Variants in GRID2 observed in about 807,000 individuals in gnomAD.
The protein encoded by GRID2 is glutamate ionotropic receptor delta type subunit 2, also known as glutamate receptor ionotropic, delta-2.
A neutral mutation model predicts 114.8 loss-of-function variants in GRID2; 33 were observed. That is an observed-to-expected ratio of 0.29 (90% CI 0.22 to 0.38). GRID2 has a LOEUF of 0.38. Among genes scored for constraint, GRID2 ranks in the 10% least tolerant of loss-of-function variants. The pLI, the probability that GRID2 is intolerant of heterozygous loss-of-function variation, is 1.00. For missense variants in GRID2, 1,184 were observed against 1,257.7 expected (o/e 0.94, Z 0.89); for synonymous variants, 505 against 449.9 (o/e 1.12, Z -1.55).
intron 2 of GRID2, among the ~76,000 whole-genome samples, chr4:92,805,513 T>A (rs912730346): frequency 1.3e-4 from 20 of 152,044 alleles, no homozygotes; most frequent in African/African-American, 4.8e-4. Context: ...ATGTATATGA[T>A]CAGCGATTTT....
chr4:93,184,062 A>C (rs904277570), intron 4 of GRID2, among the ~76,000 whole-genome samples: 1 of 152,224 alleles, frequency 6.6e-6, no homozygotes, highest in Non-Finnish European at 1.5e-5. Flanking sequence ...AAGCCTTCCC[A>C]GTAAAAGTTC....
rs78279016 is a variant in GRID2 at position 93,065,167 on chromosome 4, A to C, written c.245-19828A>C. The stretch of plus-strand genomic sequence containing the variant: ...GCATTTTTTACTTATTGGTGAGTAG[A>C]GAAAAAAACCCAAGTGAGTTCTGTA... On this transcript the variant is annotated intron_variant, in intron 2 of 15. Transcript: ENST00000282020. Among the ~76,000 whole-genome samples, 806 of 151,992 alleles carry C rather than the reference A, an allele frequency of 5.3e-3. 2 individuals carry two copies. The highest frequency in any genetic ancestry group is 0.019 in the African/African-American group (771 of 41,536).
intron 2 of GRID2, among the ~76,000 whole-genome samples, chr4:93,045,318 G>A (rs1324022140): frequency 6.6e-6 from 1 of 151,910 alleles, no homozygotes; most frequent in Non-Finnish European, 1.5e-5. Context: ...ATACTGCTTT[G>A]GCTTCCTGGT....
chr4:92,774,384 T>C (rs1335789024), intron 2 of GRID2, among the ~76,000 whole-genome samples: 1 of 152,120 alleles, frequency 6.6e-6, no homozygotes, highest in Admixed American at 6.6e-5. Context: ...AAGAAATGCA[T>C]CAGTGTAGCT....
intron 1 of GRID2, among the ~76,000 whole-genome samples, chr4:92,412,458 T>C (rs895493094): frequency 6.6e-6 from 1 of 152,166 alleles, no homozygotes; most frequent in African/African-American, 2.4e-5. Flanking sequence ...CATTTATATT[T>C]TTCTCTAGAA....
intron 2 of GRID2, among the ~76,000 whole-genome samples, chr4:92,602,041 C>A (rs182430336): frequency 0.011 from 1,668 of 151,608 alleles, 16 homozygotes; most frequent in Non-Finnish European, 0.018. Context: ...AGGAAAAAAA[C>A]CCCAGGGCCA....
intron 13 of GRID2, among the ~76,000 whole-genome samples, chr4:93,530,904 T>C (rs912049701): frequency 1.3e-5 from 2 of 152,150 alleles, no homozygotes; most frequent in Non-Finnish European, 2.9e-5. Flanking sequence ...GACTAGATAT[T>C]TATATATTTT....
intron 2 of GRID2, among the ~76,000 whole-genome samples, chr4:92,611,632 A>C (rs960924435): frequency 2.0e-5 from 3 of 151,568 alleles, no homozygotes; most frequent in Admixed American, 6.6e-5. Flanking sequence ...TTACCTTCTT[A>C]TGTAACTGGA....
intron 12 of GRID2, among the ~76,000 whole-genome samples, chr4:93,491,522 A>G (rs1287469032): frequency 1.3e-5 from 2 of 152,052 alleles, no homozygotes; most frequent in South Asian, 4.1e-4. Context: ...TCAACACCAC[A>G]GTATAATTTC....
intron 11 of GRID2, among the ~76,000 whole-genome samples, chr4:93,456,465 T>A (rs992336787): frequency 7.2e-5 from 11 of 152,212 alleles, no homozygotes; most frequent in African/African-American, 2.7e-4. Flanking sequence ...TTGTGTTTTA[T>A]CTTTTACTTT....
intron 2 of GRID2, among the ~76,000 whole-genome samples, chr4:92,611,084 G>GTA (rs757745274): frequency 7.4e-6 from 1 of 136,032 alleles, no homozygotes; most frequent in Non-Finnish European, 1.7e-5. Context: ...ATATATGTGT[G>GTA]TATATATATG....
intron 2 of GRID2, among the ~76,000 whole-genome samples, chr4:92,991,313 A>G (rs994420941): frequency 1.3e-5 from 2 of 152,188 alleles, no homozygotes; most frequent in Middle Eastern, 3.2e-3. Flanking sequence ...TTGGCAAAAC[A>G]TAAAAGTAGG....
At chr4:92,870,239 A>T (rs1478518447) in intron 2 of GRID2, among the ~76,000 whole-genome samples, 2 of 151,400 alleles carry the variant, frequency 1.3e-5, no homozygotes, top group African/African-American at 2.4e-5. Context: ...TATAAACTAT[A>T]TATATAATAT....
intron 2 of GRID2, among the ~76,000 whole-genome samples, chr4:92,846,592 C>T (rs909005152): frequency 1.3e-5 from 2 of 152,038 alleles, no homozygotes. Flanking sequence ...GGTTTAGATT[C>T]CTACATTCTT....
chr4:92,349,862 A>T (rs2110180732), intron 1 of GRID2, among the ~76,000 whole-genome samples: 1 of 152,010 alleles, frequency 6.6e-6, no homozygotes, highest in Non-Finnish European at 1.5e-5. Context: ...TAAGCCAAAC[A>T]CTTTCATAAC....
At chr4:93,273,858 T>A (rs533354975) in intron 8 of GRID2, among the ~76,000 whole-genome samples, 233 of 152,258 alleles carry the variant, frequency 1.5e-3, no homozygotes, top group Non-Finnish European at 2.8e-3. Context: ...ACAATTGCAA[T>A]TATCAAAAGA....
chr4:93,433,724 A>T (rs772417716), intron 10 of GRID2, among the ~76,000 whole-genome samples: 1 of 152,162 alleles, frequency 6.6e-6, no homozygotes, highest in Non-Finnish European at 1.5e-5. Context: ...CCTAGTAGCT[A>T]ATGTCAATAG....
chr4:92,857,727 A>G (rs1205296243), intron 2 of GRID2, among the ~76,000 whole-genome samples: 1 of 152,214 alleles, frequency 6.6e-6, no homozygotes, highest in Non-Finnish European at 1.5e-5. Context: ...AGCTAAGATC[A>G]TTGATGAAGG....
chr4:93,757,705 C>T (rs913494699), intron 14 of GRID2, among the ~76,000 whole-genome samples: 3 of 152,164 alleles, frequency 2.0e-5, no homozygotes, highest in African/African-American at 7.2e-5. Flanking sequence ...CCTATAATCC[C>T]AGCACTTTGG....
Sources: allele counts gnomAD v4.1 joint callset (sites outside exome capture counted in the v4.1 genomes callset), GRCh38; gene constraint gnomAD v4.1.1; transcripts MANE v1.5; gene names NCBI Gene and HGNC (gene_info 2026-07-23, HGNC 2026-07-21).